The following NRXN1 variants were observed in gnomAD, a reference collection of about 807,000 sequenced individuals.
NRXN1 encodes the protein neurexin 1, also known as neurexin-1.
NRXN1 carries 39 observed loss-of-function variants against 150.9 expected under a neutral mutation model. The observed-to-expected ratio is 0.26, with a 90% CI of 0.20 to 0.34. The LOEUF (loss-of-function observed/expected upper bound fraction) is 0.34. Among genes scored for constraint, NRXN1 ranks in the 10% least tolerant of loss-of-function variants. The probability of loss-of-function intolerance (pLI) is 1.00; values close to 1 mark genes in which losing one functional copy is unlikely to be tolerated. For synonymous variants in NRXN1, 924 were observed against 757.0 expected, an observed-to-expected ratio of 1.22 and a Z score of -3.62; for missense variants, 1,815 against 1,949.9, an observed-to-expected ratio of 0.93 and a Z score of 1.30.
chr2:50,358,953 G>GA (rs1253182991), intron 17 of NRXN1, among the ~76,000 whole-genome samples: 8 of 152,294 alleles, frequency 5.3e-5, no homozygotes, highest in South Asian at 2.1e-4. Flanking sequence ...GTCTGGAGCG[G>GA]ACCCCCCAGC....
Position 49,921,140 on chromosome 2 carries a change from G to C in NRXN1, c.*804C>G, listed in dbSNP as rs1668124990. The C allele has an allele frequency of 6.6e-6, 1 of 152,484 alleles. No individual in the cohort carries two copies. Among genetic ancestry groups the C allele is most frequent in the Admixed American group, 6.5e-5 (1 of 15,270 alleles). 9.4% of individuals were successfully genotyped at this position (152,484 alleles called of 1,614,324 possible). ...TATATTTTGCATTTTCTATACAACA[G>C]GCTATAAAACGTCACTTATCACAGT... On this transcript the variant is annotated 3_prime_UTR_variant, in exon 23 of 23. Transcript: ENST00000401669.
intron 21 of NRXN1, among the ~76,000 whole-genome samples, chr2:50,048,814 C>T (rs1692242305): frequency 6.6e-6 from 1 of 152,206 alleles, no homozygotes; most frequent in Middle Eastern, 3.4e-3. Context: ...TGAAAAAATG[C>T]CTAACTGAAA....
intron 17 of NRXN1, among the ~76,000 whole-genome samples, chr2:50,307,392 T>A (rs1356151404): frequency 1.3e-5 from 2 of 152,162 alleles, no homozygotes; most frequent in Non-Finnish European, 2.9e-5. Flanking sequence ...AGGGGGAGGC[T>A]CTGATTCTGA....
intron 19 of NRXN1, among the ~76,000 whole-genome samples, chr2:50,059,987 A>C (rs1322017264): frequency 6.6e-6 from 1 of 152,162 alleles, no homozygotes; most frequent in East Asian, 1.9e-4. Context: ...GGGAGCCCCC[A>C]CACAGAGTCT....
At chr2:50,797,086 G>A (rs762101769) in intron 5 of NRXN1, among the ~76,000 whole-genome samples, 3 of 152,094 alleles carry the variant, frequency 2.0e-5, no homozygotes, top group Non-Finnish European at 4.4e-5. Flanking sequence ...ATAACTTTCC[G>A]AAAGTCCCCA....
chr2:50,511,939 T>C (rs1176004701), intron 12 of NRXN1, among the ~76,000 whole-genome samples: 1 of 152,182 alleles, frequency 6.6e-6, no homozygotes, highest in African/African-American at 2.4e-5. Flanking sequence ...TGCTATAATT[T>C]GTAGTTATGG....
chr2:50,721,615 G>C (rs1696667221), intron 5 of NRXN1, among the ~76,000 whole-genome samples: 1 of 152,086 alleles, frequency 6.6e-6, no homozygotes, highest in African/African-American at 2.4e-5. Context: ...TTTTAAAGTG[G>C]AATGAGTCCT....
chr2:50,309,030 C>CTA (rs1476349631), intron 17 of NRXN1, among the ~76,000 whole-genome samples: 1 of 152,090 alleles, frequency 6.6e-6, no homozygotes, highest in Non-Finnish European at 1.5e-5. Flanking sequence ...AATTTAGGAC[C>CTA]TAACATAAAG....
intron 5 of NRXN1, among the ~76,000 whole-genome samples, chr2:50,819,623 A>G (rs569321897): frequency 2.0e-4 from 30 of 152,104 alleles, no homozygotes; most frequent in African/African-American, 4.3e-4. Context: ...CAATGTTCAT[A>G]TTATTAACAA....
At chr2:50,792,432 A>C (rs1003126263) in intron 5 of NRXN1, among the ~76,000 whole-genome samples, 1 of 152,084 alleles carries the variant, frequency 6.6e-6, no homozygotes, top group Non-Finnish European at 1.5e-5. Context: ...TATATTTTGA[A>C]GGAAAGACCA....
chr2:50,201,277 A>C (rs1185267874), intron 18 of NRXN1, among the ~76,000 whole-genome samples: 1 of 152,192 alleles, frequency 6.6e-6, no homozygotes, highest in Non-Finnish European at 1.5e-5. Context: ...GAACGACGGA[A>C]TCACACATAG....
chr2:50,220,000 ATT>A (rs2063755012), intron 18 of NRXN1, among the ~76,000 whole-genome samples: 1 of 39,388 alleles, frequency 2.5e-5, no homozygotes, highest in African/African-American at 1.2e-4. Context: ...TATAATATAT[ATT>A]ATATAATATA....
intron 17 of NRXN1, among the ~76,000 whole-genome samples, chr2:50,280,285 A>T (rs2071249048): frequency 6.6e-6 from 1 of 152,066 alleles, no homozygotes; most frequent in Admixed American, 6.6e-5. Flanking sequence ...CTCAAAAAAA[A>T]AAAAAAAAAC....
At chr2:50,649,149 G>T (rs1685222686) in intron 5 of NRXN1, among the ~76,000 whole-genome samples, 1 of 151,814 alleles carries the variant, frequency 6.6e-6, no homozygotes, top group African/African-American at 2.4e-5. Context: ...ACAATAGTTA[G>T]AATTGTATTC....
chr2:50,098,789 G>A lies in NRXN1; in HGVS notation c.3547-7295C>T, dbSNP rs1189030076. Among the ~76,000 whole-genome samples, 6 of 141,684 alleles carry A rather than the reference G, an allele frequency of 4.2e-5. No homozygotes were observed. The South Asian group carries it at 1.4e-3, about 34-fold the overall frequency. The allele number at this position is 141,684 out of a possible 152,430, so 93.0% of individuals were successfully genotyped here. On this transcript the variant is annotated intron_variant, in intron 18 of 22. Transcript: ENST00000401669. ...GGCACCCTTAGAGGATGAGTCAAGA[G>A]GAGGGTTACTACAGGGTGCATGGTT...
At chr2:50,333,689 A>G (rs1013276880) in intron 17 of NRXN1, among the ~76,000 whole-genome samples, 1 of 151,766 alleles carries the variant, frequency 6.6e-6, no homozygotes, top group Non-Finnish European at 1.5e-5. Context: ...AGCAGAATGG[A>G]TTTGACGGCC....
At chr2:50,776,823 T>G (rs749546274) in intron 5 of NRXN1, among the ~76,000 whole-genome samples, 9 of 152,148 alleles carry the variant, frequency 5.9e-5, no homozygotes, top group Non-Finnish European at 1.2e-4. Flanking sequence ...TATTCTGAGA[T>G]TGAGCTCCTG....
chr2:50,194,516 C>T (rs899814100), intron 18 of NRXN1, among the ~76,000 whole-genome samples: 4 of 152,032 alleles, frequency 2.6e-5, no homozygotes. Context: ...CCCCCCGATT[C>T]CCCAACTTCA....
intron 5 of NRXN1, among the ~76,000 whole-genome samples, chr2:50,883,500 G>C (rs1679768175): frequency 6.6e-6 from 1 of 150,812 alleles, no homozygotes; most frequent in African/African-American, 2.4e-5. Flanking sequence ...AAATATCTGT[G>C]AATGTTATTG....
Sources: gnomAD v4.1 joint callset for allele counts (sites outside exome capture counted in the v4.1 genomes callset) on GRCh38, gnomAD v4.1.1 for gene constraint, MANE v1.5 for transcripts, NCBI Gene and HGNC (gene_info 2026-07-23, HGNC 2026-07-21) for gene names.